Variants in HAUS7 observed in about 807,000 individuals in gnomAD.
HAUS7 encodes HAUS augmin like complex subunit 7.
In HAUS7, 3 loss-of-function variants were observed where a neutral mutation model predicts 28.4. The observed-to-expected ratio is 0.11, with a 90% CI of 0.05 to 0.27. HAUS7 has a LOEUF of 0.27. Among genes scored for constraint, HAUS7 ranks in the 10% least tolerant of loss-of-function variants. HAUS7 has a pLI of 1.00. For missense variants in HAUS7, 284 were observed against 297.3 expected, an observed-to-expected ratio of 0.96 and a Z score of 0.33; for synonymous variants, 165 against 132.1, an observed-to-expected ratio of 1.25 and a Z score of -1.71.
chrX:153,461,731 T>C (rs2089393714), intron 4 of HAUS7: 2 of 211,658 alleles, frequency 9.4e-6, no homozygotes, highest in South Asian at 2.8e-4. Context: ...ACAAGACGGA[T>C]GCCAGCAAGT....
rs919971706 is a variant in HAUS7, at chrX:153,465,194, G to A, written c.225-139C>T. 70 of 381,198 alleles carry A rather than the reference G, an allele frequency of 1.8e-4. 1 individual carries two copies. The highest frequency in any genetic ancestry group is 2.9e-4 in the Admixed American group (7 of 24,068). 31.4% of individuals were successfully genotyped at this position (381,198 alleles called of 1,213,427 possible). A position where few individuals can be genotyped will look rare whatever the true frequency, so the allele number is the denominator to read the frequency against. ...GGCTCACTTTAAAGTGGTTACTTCTGTGTCACGTGGATTTCATTTCCATTA... is the reference window on the plus strand; with the variant it reads ...GGCTCACTTTAAAGTGGTTACTTCTATGTCACGTGGATTTCATTTCCATTA... On this transcript the variant is annotated intron_variant, in intron 2 of 9. Coordinates refer to ENST00000370211, the MANE Select transcript of HAUS7 (RefSeq NM_001385482.1).
intron 2 of HAUS7, among the ~76,000 whole-genome samples, chrX:153,468,096 G>A (rs1329124844): frequency 8.9e-6 from 1 of 112,388 alleles, no homozygotes; most frequent in Non-Finnish European, 1.9e-5. Context: ...AGAAGGCAGA[G>A]GCAGGAGACG....
At chrX:153,458,048 C>T (rs963508520) in intron 4 of HAUS7, among the ~76,000 whole-genome samples, 2 of 113,543 alleles carry the variant, frequency 1.8e-5, no homozygotes, top group Non-Finnish European at 3.7e-5. Context: ...CACAAATGCT[C>T]CTTGGCGGGC....
At chrX:153,491,045 GT>G (rs1349488361) in intron 1 of HAUS7, among the ~76,000 whole-genome samples, 1 of 111,747 alleles carries the variant, frequency 8.9e-6, no homozygotes, top group Non-Finnish European at 1.9e-5. Flanking sequence ...GAATGGAAGG[GT>G]GGGGAGGTTC....
At position 153,464,283 on chromosome X, in the gene HAUS7, G is replaced by A. The variant is rs147166583; in HGVS notation, c.292+705C>T. On this transcript the variant is annotated intron_variant, in intron 3 of 9. Coordinates refer to ENST00000370211, the MANE Select transcript of HAUS7 (RefSeq NM_001385482.1). ...AGAGAATCTGGAATGTACCAGACAC[G>A]GCAGCTCCAGGGAGAAGGGCAGTGC... 2.4e-3 allele frequency among the ~76,000 whole-genome samples: 273 copies of A among 112,766 alleles called. 2 individuals are homozygous for A. The highest frequency in any genetic ancestry group is 8.4e-3 in the African/African-American group (261 of 31,041).
chrX:153,494,603 C>T (rs1431030962), intron 1 of HAUS7, among the ~76,000 whole-genome samples: 4 of 111,913 alleles, frequency 3.6e-5, no homozygotes. Flanking sequence ...TCTTCCATCT[C>T]TCTTTCCTCT....
At chrX:153,478,442 C>G (rs1405916647) in intron 1 of HAUS7, among the ~76,000 whole-genome samples, 1 of 112,857 alleles carries the variant, frequency 8.9e-6, no homozygotes, top group Non-Finnish European at 1.9e-5. Flanking sequence ...AGGTGCCCCT[C>G]TGACCAAAAG....
chrX:153,484,249 G>A (rs1383167107), intron 1 of HAUS7, among the ~76,000 whole-genome samples: 1 of 112,478 alleles, frequency 8.9e-6, no homozygotes, highest in East Asian at 2.8e-4. Flanking sequence ...GGGGAACCCA[G>A]ATGAGCTCAG....
chrX:153,469,921 C>G (rs1381668187), intron 1 of HAUS7, among the ~76,000 whole-genome samples: 1 of 110,782 alleles, frequency 9.0e-6, no homozygotes, highest in Admixed American at 9.5e-5. Context: ...GGGGGAGGAG[C>G]GAGCGGGCCG....
chrX:153,477,648 A>G (rs1257407415), intron 1 of HAUS7, among the ~76,000 whole-genome samples: 1 of 112,634 alleles, frequency 8.9e-6, no homozygotes, highest in Non-Finnish European at 1.9e-5. Flanking sequence ...AGCTGCCCCC[A>G]GGCAGGACAC....
chrX:153,472,412 C>T (rs1447852230), upstream of HAUS7, among the ~76,000 whole-genome samples: 1 of 90,305 alleles, frequency 1.1e-5, no homozygotes, highest in Non-Finnish European at 2.1e-5. Flanking sequence ...TCCCTGCCCA[C>T]GCCACCCCAC....
intron 1 of HAUS7, among the ~76,000 whole-genome samples, chrX:153,485,045 C>T (rs1303625491): frequency 8.9e-6 from 1 of 112,774 alleles, no homozygotes; most frequent in Non-Finnish European, 1.9e-5. Flanking sequence ...CCTGCATGGC[C>T]ACAGGGACCA....
At chrX:153,463,791 G>A (rs1243892760) in intron 3 of HAUS7, among the ~76,000 whole-genome samples, 8 of 112,712 alleles carry the variant, frequency 7.1e-5, no homozygotes, top group Admixed American at 3.7e-4. Flanking sequence ...CTTCCTCTCC[G>A]CACATGCCGC....
At chrX:153,488,822 A>G (rs2089654630) in intron 1 of HAUS7, among the ~76,000 whole-genome samples, 2 of 112,706 alleles carry the variant, frequency 1.8e-5, no homozygotes, top group African/African-American at 6.4e-5. Flanking sequence ...CCCACTTCTT[A>G]CCACTGCCCG....
chrX:153,455,054 C>T, intron 8 of HAUS7: 1 of 1,013,505 alleles, frequency 9.9e-7, no homozygotes. Flanking sequence ...CTCTGGGGAT[C>T]TCACATGTGG....
chrX:153,480,648 C>T (rs945303814), intron 1 of HAUS7: 533 of 753,464 alleles, frequency 7.1e-4, no homozygotes, highest in Admixed American at 1.0e-3. Context: ...GGACCAGTTG[C>T]GGGATCAGCC....
chrX:153,463,748 G>A (rs1302924910), intron 3 of HAUS7, among the ~76,000 whole-genome samples: 1 of 112,768 alleles, frequency 8.9e-6, no homozygotes, highest in African/African-American at 3.2e-5. Flanking sequence ...CAAGCTGCCA[G>A]GCACAGCCCA....
chrX:153,454,105 G>A (rs1556981487), intron 9 of HAUS7, among the ~76,000 whole-genome samples: 2 of 112,066 alleles, frequency 1.8e-5, no homozygotes, highest in African/African-American at 3.2e-5. Flanking sequence ...GAGCCACCGC[G>A]CCTGGCCCAA....
intron 1 of HAUS7, chrX:153,480,446 C>T (rs1372298874): frequency 3.5e-5 from 11 of 310,613 alleles, no homozygotes; most frequent in Non-Finnish European, 4.3e-5. Flanking sequence ...CTCGCCAGTG[C>T]TCCTCAGGAG....
Sources: allele counts gnomAD v4.1 joint callset (sites outside exome capture counted in the v4.1 genomes callset), GRCh38; gene constraint gnomAD v4.1.1; transcripts MANE v1.5; gene names NCBI Gene and HGNC (gene_info 2026-07-23, HGNC 2026-07-21).